Variants in MYO3A observed in about 807,000 individuals in gnomAD.
The protein encoded by MYO3A is myosin-IIIa.
In MYO3A, 180 loss-of-function variants were observed where a neutral mutation model predicts 192.7. The observed-to-expected ratio is 0.93, with a 90% confidence interval of 0.83 to 1.06. The LOEUF (loss-of-function observed/expected upper bound fraction) is 1.06, where lower values mean the gene tolerates loss of function less well. MYO3A is among the 50% of genes least tolerant of loss of function. MYO3A has a pLI of 0.00. For synonymous variants in MYO3A, 628 were observed against 645.3 expected (o/e 0.97, Z 0.41); for missense variants, 1,896 against 1,905.0 (o/e 1.00, Z 0.09).
chr10:25,952,015 C>A, intron 2 of MYO3A, 79 bp from the exon 3 acceptor site: 1 of 1,044,012 alleles, frequency 9.6e-7, no homozygotes, highest in South Asian at 1.4e-5. Flanking sequence ...TGAAAATATT[C>A]GCTAATTTCC....
intron 10 of MYO3A, among the ~76,000 whole-genome samples, chr10:26,065,888 C>T (rs1319447033): frequency 6.9e-5 from 3 of 43,494 alleles, no homozygotes; most frequent in South Asian, 7.9e-4. Flanking sequence ...GAGGCCGAGA[C>T]GGGCGGATCA....
intron 17 of MYO3A, among the ~76,000 whole-genome samples, chr10:26,119,910 C>T (rs191361304): frequency 8.8e-4 from 133 of 151,790 alleles, no homozygotes; most frequent in African/African-American, 3.0e-3. Flanking sequence ...AATCCCAGCA[C>T]TTTCAGAGGC....
Position 26,173,947 on chromosome 10 carries a change from G to A in MYO3A, c.3683G>A (p.Arg1228Lys), listed in dbSNP as rs868028720. The A allele has an allele frequency of 1.2e-6, 2 of 1,609,228 alleles. No homozygotes were observed. Among genetic ancestry groups the A allele is most frequent in the South Asian group, 2.2e-5 (2 of 89,734 alleles). The change falls in exon 30 of 35, where the codon AGG (arginine) becomes AAG (lysine). Residue 1228 changes from arginine to lysine, a missense_variant. Coordinates refer to ENST00000642920, the MANE Select transcript of MYO3A (RefSeq NM_017433.5). ...GACCTGGAAGAGAACAGCAATCTAA[G>A]GAAAGTGGAGAAAGAGGAAGCTATG... ...VKDLEENSNL[R>K]KVEKEEAMIQ...
At chr10:26,115,439 C>T (rs1227042978) in intron 17 of MYO3A, among the ~76,000 whole-genome samples, 2 of 152,084 alleles carry the variant, frequency 1.3e-5, no homozygotes, top group African/African-American at 4.8e-5. Flanking sequence ...TTTACAGTTG[C>T]TTATATTTAA....
intron 14 of MYO3A, among the ~76,000 whole-genome samples, chr10:26,082,740 TTC>T (rs1382548594): frequency 1.4e-5 from 2 of 138,562 alleles, no homozygotes; most frequent in African/African-American, 5.1e-5. Flanking sequence ...TATGGTCTCT[TTC>T]TCTCTCTCTC....
At chr10:26,013,371 A>G (rs913498331) in intron 6 of MYO3A, among the ~76,000 whole-genome samples, 2 of 152,142 alleles carry the variant, frequency 1.3e-5, no homozygotes, top group Admixed American at 1.3e-4. Flanking sequence ...TTTGGAATCT[A>G]TGCATCCAAC....
rs759978541 is a variant in MYO3A at position 26,066,971 on chromosome 10, AC to A, written c.954-3del. 166 of 1,601,376 alleles carry A rather than the reference AC, an allele frequency of 1.0e-4. 1 individual carries two copies. The highest frequency in any genetic ancestry group is 8.5e-4 in the Admixed American group (51 of 59,992). On this transcript the variant is annotated splice_polypyrimidine_tract_variant and splice_region_variant and intron_variant, in intron 10 of 34. Coordinates refer to ENST00000642920, the MANE Select transcript of MYO3A (RefSeq NM_017433.5). The stretch of plus-strand genomic sequence containing the variant: ...CTTAAATCAGAAAGCGTTTTTCTCC[AC>A]AGACGTGAACGTATTCACACGAAGA...
intron 34 of MYO3A, among the ~76,000 whole-genome samples, chr10:26,207,742 G>A (rs1355627088): frequency 1.4e-3 from 1 of 700 alleles, no homozygotes; most frequent in African/African-American, 0.011. Context: ...GCTCAAGATA[G>A]CTTTGACTAC....
intron 31 of MYO3A, among the ~76,000 whole-genome samples, chr10:26,186,374 C>G (rs1842869231): frequency 6.6e-6 from 1 of 150,802 alleles, no homozygotes; most frequent in South Asian, 2.1e-4. Flanking sequence ...TCACACCATT[C>G]TCCTGCCTCA....
chr10:26,086,637 G>A (rs905584064), intron 14 of MYO3A, among the ~76,000 whole-genome samples: 1 of 152,000 alleles, frequency 6.6e-6, no homozygotes, highest in Non-Finnish European at 1.5e-5. Context: ...AAAAAAAAAG[G>A]TGGTGCTACC....
chr10:26,007,081 G>A lies in MYO3A; in HGVS notation c.509-9739G>A, dbSNP rs1218304543. ...GGGATGCAAGGCTGGTTCAATATAC[G>A]CAAATCAATAAACGTAATCCAGCAT... On this transcript the variant is annotated intron_variant, in intron 6 of 34. Transcript: ENST00000642920. 4.7e-5 allele frequency among the ~76,000 whole-genome samples: 7 copies of A among 147,578 alleles called. 1 individual carries two copies. Among genetic ancestry groups the A allele is most frequent in the Non-Finnish European group, 5.9e-5 (4 of 67,572 alleles).
intron 27 of MYO3A, 62 bp from the exon 28 acceptor site, chr10:26,168,649 AC>A (rs1841884318): frequency 5.9e-6 from 9 of 1,521,816 alleles, no homozygotes; most frequent in Admixed American, 1.7e-5. Flanking sequence ...TCTTCAAAGC[AC>A]AGCACATAAC....
At chr10:26,056,526 T>C (rs919009570) in intron 10 of MYO3A, among the ~76,000 whole-genome samples, 2 of 152,208 alleles carry the variant, frequency 1.3e-5, no homozygotes, top group African/African-American at 4.8e-5. Context: ...AACATATCTA[T>C]AGCACATGTA....
chr10:26,082,968 T>C (rs1291684940), intron 14 of MYO3A, among the ~76,000 whole-genome samples: 1 of 152,240 alleles, frequency 6.6e-6, no homozygotes, highest in African/African-American at 2.4e-5. Context: ...TTTTGGAATA[T>C]GATATGTGAC....
chr10:26,077,933 A>C (rs145016426), intron 14 of MYO3A, among the ~76,000 whole-genome samples: 9,288 of 152,122 alleles, frequency 0.061, 373 homozygotes, highest in Non-Finnish European at 0.088. Context: ...ATCTTTGTTC[A>C]TCAAGGATAT....
intron 10 of MYO3A, among the ~76,000 whole-genome samples, chr10:26,035,397 A>T (rs1842979148): frequency 6.6e-6 from 1 of 152,244 alleles, no homozygotes; most frequent in Non-Finnish European, 1.5e-5. Context: ...CAAGTAAAGA[A>T]GAAGAAGCAG....
intron 17 of MYO3A, among the ~76,000 whole-genome samples, chr10:26,111,358 A>G (rs1301033445): frequency 6.6e-6 from 1 of 152,170 alleles, no homozygotes; most frequent in Non-Finnish European, 1.5e-5. Flanking sequence ...ATATAGTCTC[A>G]TTCTTATGCT....
rs928229313 is a variant in MYO3A at position 26,177,599 on chromosome 10, T to G, written c.4438+754T>G. ...CCATTCTCTCTGCAGTCTTATGACC[T>G]CCCCCAGGAGCTGTCACGGTAAAGT... On this transcript the variant is annotated intron_variant, in intron 31 of 34. Coordinates refer to ENST00000642920, the MANE Select transcript of MYO3A (RefSeq NM_017433.5). 3.3e-5 allele frequency among the ~76,000 whole-genome samples: 5 copies of G among 152,246 alleles called. No homozygotes were observed. The East Asian group carries it at 9.7e-4, about 29-fold the overall frequency.
chr10:26,148,910 C>A (rs758989157), intron 23 of MYO3A, among the ~76,000 whole-genome samples: 10 of 152,036 alleles, frequency 6.6e-5, no homozygotes, highest in Non-Finnish European at 1.0e-4. Flanking sequence ...ACAGATTGAT[C>A]ATGTTGTCTG....
Sources: gnomAD v4.1 joint callset for allele counts (sites outside exome capture counted in the v4.1 genomes callset) on GRCh38, gnomAD v4.1.1 for gene constraint, MANE v1.5 for transcripts, NCBI Gene and HGNC (gene_info 2026-07-23, HGNC 2026-07-21) for gene names.